TRIM50: variants seen among roughly 807,000 people sequenced by gnomAD.
The protein encoded by TRIM50 is E3 ubiquitin-protein ligase TRIM50.
A neutral mutation model predicts 44.9 loss-of-function variants in TRIM50; 34 were observed. That is an observed-to-expected ratio of 0.76 (90% CI 0.58 to 1.01). The LOEUF (loss-of-function observed/expected upper bound fraction) is 1.01, where lower values mean the gene tolerates loss of function less well. Ranked by LOEUF, TRIM50 falls within the 50% of genes least tolerant of loss-of-function variation. The pLI is 0.00. For synonymous variants in TRIM50, 307 were observed against 291.1 expected, an observed-to-expected ratio of 1.05 and a Z score of -0.56; for missense variants, 633 against 663.7, an observed-to-expected ratio of 0.95 and a Z score of 0.51.
chr7:73,321,041 A>G (rs1410448744), intron 2 of TRIM50, among the ~76,000 whole-genome samples: 13 of 151,454 alleles, frequency 8.6e-5, no homozygotes, highest in South Asian at 2.1e-4. Context: ...AAAAAAAAGG[A>G]ATATTCTAGG....
chr7:73,321,874 A>G (rs1283646705), intron 2 of TRIM50: 5 of 152,268 alleles, frequency 3.3e-5, no homozygotes, highest in Non-Finnish European at 5.9e-5. Context: ...CCCCAGGCAG[A>G]CAGACGGGAC....
chr7:73,324,297 T>G (rs1421210896), intron 2 of TRIM50, 92 bp downstream of exon 2: 7 of 1,598,064 alleles, frequency 4.4e-6, no homozygotes, highest in Non-Finnish European at 6.0e-6. Flanking sequence ...CGAGGATAGC[T>G]GGATCCTTTT....
In TRIM50 at chr7:73,313,440, C is replaced by A; in HGVS notation, c.945G>T (p.Val315=). 6.4e-7 allele frequency: 1 copy of A among 1,560,486 alleles called. No individual in the cohort carries two copies. Among genetic ancestry groups the A allele is most frequent in the Non-Finnish European group, 8.6e-7 (1 of 1,158,594 alleles). Residue 315 remains valine (V), a synonymous_variant, in exon 7 of 7, where the codon GTG becomes GTT. Transcript: ENST00000333149. This position sits in a 1 kb window ranked among gnomAD's most constrained non-coding sequence, Gnocchi z 4.9. ...GCTGGGCCAGAAGCCCGCACTGCAC[C>A]ACCGTGTTGCCCTTGGAGAGCTCCA... ...PLLELSKGNT[V]VQCGLLAQRR... is the part of the protein sequence containing the mutation.
At chr7:73,319,193 C>G in intron 3 of TRIM50, 141 bp from the exon 4 acceptor site, 1 of 1,429,550 alleles carries the variant, frequency 7.0e-7, no homozygotes, top group Non-Finnish European at 9.5e-7. Flanking sequence ...GGCCTGGCGC[C>G]GGGCAGGGAG....
At position 73,318,792 on chromosome 7, in the gene TRIM50, T is replaced by C. The variant is rs536689850; in HGVS notation, c.726+30A>G. 5 of 1,613,642 alleles carry C rather than the reference T, an allele frequency of 3.1e-6. No homozygotes were observed. The South Asian group carries it at 5.5e-5, about 18-fold the overall frequency. The stretch of plus-strand genomic sequence containing the variant: ...GGGAAGGGGAAGGCCCTGGCGGGTA[T>C]GGGGATGGGACGCCTCCCTGTCCAC... On this transcript the variant is annotated intron_variant, in intron 4 of 6. Coordinates refer to ENST00000333149, the MANE Select transcript of TRIM50 (RefSeq NM_178125.3).
In TRIM50 at chr7:73,318,553, A is replaced by T. The variant is rs2115739026; in HGVS notation, c.749+134T>A. ...GACATGACTTTCCTCTGTTTTTCCC[A>T]GGCTCAGTTATAGAGCCAGCTGTGG... On this transcript the variant is annotated intron_variant, in intron 5 of 6. Transcript: ENST00000333149. 3 of 1,571,962 alleles carry T rather than the reference A, an allele frequency of 1.9e-6. No homozygotes were observed. In the Admixed American group the frequency reaches 5.3e-5, roughly 28 times the overall value.
chr7:73,317,483 C>T (rs1274453182), intron 5 of TRIM50, among the ~76,000 whole-genome samples: 1 of 151,418 alleles, frequency 6.6e-6, no homozygotes, highest in African/African-American at 2.4e-5. Flanking sequence ...TCAGCCTCCC[C>T]AGCAGCTGTG....
Position 73,313,473 on chromosome 7 carries a change from G to A in TRIM50, c.912C>T (p.His304=), listed in dbSNP as rs1186572110. The change falls in exon 7 of 7, where the codon CAC becomes CAT. Residue 304 remains histidine, a synonymous_variant. Transcript: ENST00000333149. The surrounding 1 kb of genome is among the most constrained non-coding windows in gnomAD (Gnocchi z 4.9). ...EPLKLDPATA[H]PLLELSKGNT... ...TGCCCTTGGAGAGCTCCAGGAGTGG[G>A]TGGGCAGTGGCAGGGTCCAACTTGA... 2.0e-6 allele frequency: 3 copies of A among 1,532,586 alleles called. No individual in the cohort carries two copies. Among genetic ancestry groups the A allele is most frequent in the Non-Finnish European group, 2.6e-6 (3 of 1,142,984 alleles). The allele number at this position is 1,532,586 out of a possible 1,614,324, so 94.9% of individuals were successfully genotyped here. A position where few individuals can be genotyped will look rare whatever the true frequency, so the allele number is the denominator to read the frequency against.
At chr7:73,321,269 G>A (rs1165158707) in intron 2 of TRIM50, among the ~76,000 whole-genome samples, 5 of 152,100 alleles carry the variant, frequency 3.3e-5, no homozygotes, top group African/African-American at 9.7e-5. Context: ...GTCACTAAAC[G>A]TTACAGCTAC....
rs376031826 is a variant in TRIM50 at position 73,313,178 on chromosome 7, C to A, written c.1207G>T (p.Val403Leu). ...RVYEAFACPRVPLPVAGHPHR... is the reference protein window; with the variant it reads ...RVYEAFACPRLPLPVAGHPHR... Reference sequence around the variant, plus strand: ...GGGTGGCCGGCCACGGGCAGGGGTACCCGGGGGCAGGCAAAGGCTTCGTAC... The same window carrying A: ...GGGTGGCCGGCCACGGGCAGGGGTAACCGGGGGCAGGCAAAGGCTTCGTAC... Residue 403 changes from valine to leucine, a missense_variant, in exon 7 of 7, where the codon GTA becomes TTA. Val to Leu is a conservative substitution (Grantham distance 32). Coordinates refer to ENST00000333149, the MANE Select transcript of TRIM50 (RefSeq NM_178125.3). This position sits in a 1 kb window ranked among gnomAD's most constrained non-coding sequence, Gnocchi z 4.9. 1 of 1,588,664 alleles carries A rather than the reference C, an allele frequency of 6.3e-7. No individual in the cohort carries two copies.
At chr7:73,314,011 C>T (rs1327203616) in intron 6 of TRIM50, 101 of 247,728 alleles carry the variant, frequency 4.1e-4, no homozygotes, top group Non-Finnish European at 3.1e-4. Flanking sequence ...AACTAGCCCA[C>T]CTGAGCTTTT....
At chr7:73,314,147 C>T (rs1554543707) in intron 6 of TRIM50, 5 of 383,626 alleles carry the variant, frequency 1.3e-5, no homozygotes, top group East Asian at 1.4e-4. Context: ...AAGGTGGCTC[C>T]GGCCCCTGCT....
chr7:73,327,135 G>C (rs1168172626), intron 1 of TRIM50, among the ~76,000 whole-genome samples: 2 of 151,792 alleles, frequency 1.3e-5, no homozygotes, highest in Non-Finnish European at 2.9e-5. Context: ...TACTGCTGTG[G>C]TTTGAATGTA....
At position 73,324,420 on chromosome 7, in the gene TRIM50, G is replaced by A. The variant is rs576511851; in HGVS notation, c.368C>T (p.Thr123Met). 20 of 1,613,604 alleles carry A rather than the reference G, an allele frequency of 1.2e-5. No individual in the cohort carries two copies. The highest frequency in any genetic ancestry group is 2.7e-5 in the African/African-American group (2 of 74,888). Reference sequence around the variant, plus strand: ...GCGGCTGTAGACGGTGGAGACGGGCGTGACCGGGTGGTGTTGGTGGGAGCC... The same window carrying A: ...GCGGCTGTAGACGGTGGAGACGGGCATGACCGGGTGGTGTTGGTGGGAGCC... ...LLGSHQHHPV[T>M]PVSTVYSRMK... Residue 123 changes from threonine to methionine, a missense_variant, in exon 2 of 7, where the codon ACG (threonine) becomes ATG (methionine). By Grantham distance (81) the Thr-to-Met change is moderately conservative (BLOSUM62 -1). Transcript: ENST00000333149.
At chr7:73,321,607 G>C (rs1804497438) in intron 2 of TRIM50, among the ~76,000 whole-genome samples, 1 of 152,120 alleles carries the variant, frequency 6.6e-6, no homozygotes, top group Non-Finnish European at 1.5e-5. Context: ...CTAGCCTTGG[G>C]GGTGCCAACC....
In TRIM50 at chr7:73,316,639, G is replaced by T. The variant is rs782589610; in HGVS notation, c.800C>A (p.Ser267Tyr). 6.2e-7 allele frequency: 1 copy of T among 1,614,258 alleles called. No homozygotes were observed. Among genetic ancestry groups the T allele is most frequent in the East Asian group, 2.2e-5 (1 of 44,888 alleles). The change falls in exon 6 of 7, where the codon TCC (serine) becomes TAC (tyrosine). Residue 267 changes from serine (S) to tyrosine (Y), a missense_variant. By Grantham distance (144) the Ser-to-Tyr change is moderately radical (BLOSUM62 -2). Coordinates refer to ENST00000333149, the MANE Select transcript of TRIM50 (RefSeq NM_178125.3). ...AGCCTGGTGGAGGCCTGGCTTGAAG[G>T]AGATGGGGCTGAATGCGCCTTCTAA... Reference protein sequence around the residue: ...RPLEGAFSPISFKPGLHQADI... With the variant: ...RPLEGAFSPIYFKPGLHQADI...
chr7:73,319,046 A>T lies in TRIM50; in HGVS notation c.502T>A (p.Ser168Thr). ...VNNRTRIVNE[S>T]DVFSWVIRRE... ...CGGATCACCCAGCTGAAGACATCCGACTCATTCTGGGACAGGGAGGGCTGG... is the reference window on the plus strand; with the variant it reads ...CGGATCACCCAGCTGAAGACATCCGTCTCATTCTGGGACAGGGAGGGCTGG... Residue 168 changes from serine (S) to threonine (T), a missense_variant, in exon 4 of 7, where the codon TCG (serine) becomes ACG (threonine). Ser to Thr is a moderately conservative substitution (Grantham distance 58). Coordinates refer to ENST00000333149, the MANE Select transcript of TRIM50 (RefSeq NM_178125.3). The T allele has an allele frequency of 1.2e-6, 2 of 1,613,742 alleles. No homozygotes were observed. The highest frequency in any genetic ancestry group is 1.7e-6 in the Non-Finnish European group (2 of 1,179,782).
intron 1 of TRIM50, among the ~76,000 whole-genome samples, chr7:73,325,884 C>CG (rs1172273019): frequency 4.7e-4 from 9 of 19,188 alleles, no homozygotes; most frequent in East Asian, 3.1e-3. Flanking sequence ...TTTTTTTGGG[C>CG]GGGGGGGCTG....
chr7:73,328,040 AC>A lies in TRIM50; in HGVS notation c.-160del, dbSNP rs1322757273. 9.8e-6 allele frequency: 7 copies of A among 713,430 alleles called. No homozygotes were observed. The highest frequency in any genetic ancestry group is 2.5e-5 in the Admixed American group (1 of 40,646). The allele number at this position is 713,430 out of a possible 1,614,324, so 44.2% of individuals were successfully genotyped here. ...TCATCATGACCCGCACGCTATGGTTACATGCCCCGCCTCGCGCTACCGCGCG... is the reference window on the plus strand; with the variant it reads ...TCATCATGACCCGCACGCTATGGTTAATGCCCCGCCTCGCGCTACCGCGCG... On this transcript the variant is annotated 5_prime_UTR_variant, in exon 1 of 7. It removes an upstream start codon present in the reference 5' UTR. Transcript: ENST00000333149.
Sources: gnomAD v4.1 joint callset for allele counts (sites outside exome capture counted in the v4.1 genomes callset) on GRCh38, gnomAD v4.1.1 for gene constraint, Gnocchi (gnomAD v3.1) non-coding constraint, MANE v1.5 for transcripts, NCBI Gene and HGNC (gene_info 2026-07-23, HGNC 2026-07-21) for gene names.